GRAMD2B: variants seen among roughly 807,000 people sequenced by gnomAD.
GRAMD2B encodes the protein GRAM domain-containing protein 2B.
A neutral mutation model predicts 59.2 loss-of-function variants in GRAMD2B; 41 were observed. The observed-to-expected ratio is 0.69, with a 90% CI of 0.54 to 0.90. The LOEUF (loss-of-function observed/expected upper bound fraction) is 0.90, where lower values mean the gene tolerates loss of function less well. Ranked by LOEUF, GRAMD2B falls within the 40% of genes least tolerant of loss-of-function variation. The probability of loss-of-function intolerance (pLI) is 0.00; values close to 1 mark genes in which losing one functional copy is unlikely to be tolerated. For missense variants in GRAMD2B, 424 were observed against 500.5 expected, an observed-to-expected ratio of 0.85 and a Z score of 1.46; for synonymous variants, 161 against 182.7, an observed-to-expected ratio of 0.88 and a Z score of 0.96.
At chr5:126,458,066 A>T (rs1454066169) in intron 1 of GRAMD2B, among the ~76,000 whole-genome samples, 1 of 152,146 alleles carries the variant, frequency 6.6e-6, no homozygotes, top group Admixed American at 6.5e-5. Context: ...TTGTTGGTTC[A>T]TCTTGGTCTT....
At chr5:126,472,016 A>C (rs756821676) in intron 3 of GRAMD2B, among the ~76,000 whole-genome samples, 1 of 152,226 alleles carries the variant, frequency 6.6e-6, no homozygotes, top group Non-Finnish European at 1.5e-5. Flanking sequence ...CAGCTGCATC[A>C]TTATATCCAA....
intron 1 of GRAMD2B, among the ~76,000 whole-genome samples, chr5:126,396,051 C>T (rs578045555): frequency 1.1e-4 from 17 of 152,244 alleles, no homozygotes; most frequent in Non-Finnish European, 2.1e-4. Flanking sequence ...CACATCCTCA[C>T]CAACACTTAT....
intron 1 of GRAMD2B, among the ~76,000 whole-genome samples, chr5:126,447,513 A>C (rs1463024760): frequency 6.6e-6 from 1 of 151,882 alleles, no homozygotes; most frequent in Non-Finnish European, 1.5e-5. Context: ...AAATACAAAA[A>C]ATTAGCCGGG....
chr5:126,364,619 G>A (rs1754358451), intron 1 of GRAMD2B, among the ~76,000 whole-genome samples: 1 of 152,132 alleles, frequency 6.6e-6, no homozygotes, highest in Non-Finnish European at 1.5e-5. Context: ...GGTCAGGAGT[G>A]GAACATGAAT....
At chr5:126,463,421 G>A (rs1173230628) in intron 1 of GRAMD2B, among the ~76,000 whole-genome samples, 1 of 152,186 alleles carries the variant, frequency 6.6e-6, no homozygotes, top group Non-Finnish European at 1.5e-5. Context: ...AAAAGGCAGA[G>A]ATGTGCTTTA....
At chr5:126,389,183 G>A (rs1756475443) in intron 1 of GRAMD2B, among the ~76,000 whole-genome samples, 1 of 152,152 alleles carries the variant, frequency 6.6e-6, no homozygotes, top group Admixed American at 6.5e-5. Flanking sequence ...CCTGTTAAAG[G>A]AGGGGTGAAA....
At chr5:126,411,045 T>C (rs1319893957) in intron 1 of GRAMD2B, among the ~76,000 whole-genome samples, 2 of 152,124 alleles carry the variant, frequency 1.3e-5, no homozygotes, top group African/African-American at 4.8e-5. Context: ...GAGCATTTTC[T>C]CCCATTCTGT....
intron 1 of GRAMD2B, among the ~76,000 whole-genome samples, chr5:126,461,358 A>C (rs1465811907): frequency 6.6e-6 from 1 of 152,240 alleles, no homozygotes; most frequent in Non-Finnish European, 1.5e-5. Flanking sequence ...ATGAGAATTT[A>C]AGTCATCATC....
chr5:126,451,309 T>G (rs952620989), intron 1 of GRAMD2B, among the ~76,000 whole-genome samples: 1 of 152,150 alleles, frequency 6.6e-6, no homozygotes, highest in African/African-American at 2.4e-5. Flanking sequence ...TGACACTGGG[T>G]GATTTATAAA....
intron 1 of GRAMD2B, among the ~76,000 whole-genome samples, chr5:126,463,723 A>C (rs575296712): frequency 6.6e-6 from 1 of 152,334 alleles, no homozygotes; most frequent in South Asian, 2.1e-4. Context: ...CAAAATTAAG[A>C]GCGTCAACCA....
At chr5:126,491,282 T>C (rs572726097) in intron 13 of GRAMD2B, among the ~76,000 whole-genome samples, 2 of 152,290 alleles carry the variant, frequency 1.3e-5, no homozygotes, top group East Asian at 1.9e-4. Flanking sequence ...GAGGGATACA[T>C]GAGGAAGAAA....
intron 1 of GRAMD2B, among the ~76,000 whole-genome samples, chr5:126,392,071 CTA>C (rs1756856201): frequency 6.6e-6 from 1 of 152,176 alleles, no homozygotes; most frequent in South Asian, 2.1e-4. Flanking sequence ...CTTTGCTAAA[CTA>C]TATCTTCTGG....
At chr5:126,465,294 T>A in intron 1 of GRAMD2B, 132 bp from the exon 2 acceptor site, 1 of 1,523,952 alleles carries the variant, frequency 6.6e-7, no homozygotes, top group Non-Finnish European at 8.8e-7. Context: ...GGCCTCGCTG[T>A]CAAAGTTAAC....
rs775509749 is a variant in GRAMD2B, at chr5:126,465,465, C to T, written c.123C>T (p.Ala41=). ...ATGGTGTGGAGGAGAAAAAGAAAGC[C>T]TGCAGGTCGCCAACAGCCCAATCCC... ...AENGVEEKKK[A]CRSPTAQSPT... Residue 41 remains alanine, a synonymous_variant, in exon 2 of 14, where the codon GCC becomes GCT. Coordinates refer to ENST00000285689, the MANE Select transcript of GRAMD2B (RefSeq NM_023927.4). 3.1e-6 allele frequency: 5 copies of T among 1,614,132 alleles called. No individual in the cohort carries two copies. The East Asian group carries it at 8.9e-5, about 29-fold the overall frequency.
At chr5:126,371,722 C>T (rs1176287657) in intron 1 of GRAMD2B, among the ~76,000 whole-genome samples, 2 of 152,040 alleles carry the variant, frequency 1.3e-5, no homozygotes, top group East Asian at 1.9e-4. Context: ...CCAGTGGATT[C>T]GAAGGGGGTA....
intron 1 of GRAMD2B, among the ~76,000 whole-genome samples, chr5:126,427,292 A>T (rs1374399802): frequency 1.3e-5 from 2 of 152,196 alleles, no homozygotes; most frequent in African/African-American, 4.8e-5. Flanking sequence ...ATTTTATGAA[A>T]CACACCTTTA....
chr5:126,423,418 C>T lies in GRAMD2B; in HGVS notation c.-189C>T. On this transcript the variant is annotated 5_prime_UTR_variant, in exon 1 of 14. Transcript: ENST00000285689. ...CACAGTGGGTCGGACCAATCGCGCCCGCTCCGACGTGTCCAGGTCCGCGGC... is the reference window on the plus strand; with the variant it reads ...CACAGTGGGTCGGACCAATCGCGCCTGCTCCGACGTGTCCAGGTCCGCGGC... 7.3e-7 allele frequency: 1 copy of T among 1,376,850 alleles called. No individual in the cohort carries two copies. The highest frequency in any genetic ancestry group is 1.5e-5 in the African/African-American group (1 of 65,058). 85.3% of individuals were successfully genotyped at this position (1,376,850 alleles called of 1,614,324 possible).
intron 6 of GRAMD2B, among the ~76,000 whole-genome samples, chr5:126,479,546 G>A (rs1317935140): frequency 6.6e-6 from 1 of 152,120 alleles, no homozygotes; most frequent in Non-Finnish European, 1.5e-5. Flanking sequence ...CTACCACCCT[G>A]TAATGGATAA....
At chr5:126,389,382 C>T (rs1756495816) in intron 1 of GRAMD2B, among the ~76,000 whole-genome samples, 1 of 152,126 alleles carries the variant, frequency 6.6e-6, no homozygotes. Context: ...TCTTCTCTCC[C>T]GCTGTCATTC....
Sources: allele counts gnomAD v4.1 joint callset (sites outside exome capture counted in the v4.1 genomes callset), GRCh38; gene constraint gnomAD v4.1.1; transcripts MANE v1.5; gene names NCBI Gene and HGNC (gene_info 2026-07-23, HGNC 2026-07-21).